TXNDC17: variants seen among roughly 807,000 people sequenced by gnomAD.
TXNDC17 encodes the protein thioredoxin domain-containing protein 17.
In TXNDC17, 12 loss-of-function variants were observed where a neutral mutation model predicts 16.3. The ratio of observed to expected loss-of-function variants is 0.74; its 90% confidence interval spans 0.47 to 1.19. The LOEUF is 1.19. Among genes scored for constraint, TXNDC17 ranks in the 50% most tolerant of loss-of-function variants. The pLI is 0.00. For synonymous variants in TXNDC17, 62 were observed against 55.0 expected, an observed-to-expected ratio of 1.13 and a Z score of -0.56; for missense variants, 158 against 149.7, an observed-to-expected ratio of 1.06 and a Z score of -0.29.
intron 3 of TXNDC17, chr17:6,642,645 G>T (rs1173841023): frequency 8.7e-6 from 4 of 458,698 alleles, no homozygotes; most frequent in Non-Finnish European, 1.5e-5. Context: ...TTCTAGTTCA[G>T]TCATGCCCCT....
Position 6,641,657 on chromosome 17 carries a change from G to T in TXNDC17, c.146-96G>T, listed in dbSNP as rs926745246. The T allele has an allele frequency of 5.0e-6, 6 of 1,200,526 alleles. No individual in the cohort carries two copies. In the African/African-American group the frequency reaches 6.0e-5, roughly 12 times the overall value. 74.4% of individuals were successfully genotyped at this position (1,200,526 alleles called of 1,614,324 possible). Reference sequence around the variant, plus strand: ...GTTAGCTGCAGGTTAAAGTCTGAGTGCTTACCAAGACTGGGGGAAGGGGGA... The same window carrying T: ...GTTAGCTGCAGGTTAAAGTCTGAGTTCTTACCAAGACTGGGGGAAGGGGGA... On this transcript the variant is annotated intron_variant, in intron 1 of 3. Transcript: ENST00000250101.
At chr17:6,641,658 C>CT in intron 1 of TXNDC17, 95 bp from the exon 2 acceptor site, 3 of 1,217,170 alleles carry the variant, frequency 2.5e-6, no homozygotes, top group South Asian at 2.6e-5. Context: ...AGTCTGAGTG[C>CT]TTACCAAGAC....
intron 3 of TXNDC17, 151 bp from the exon 4 acceptor site, chr17:6,642,800 A>G: frequency 3.2e-6 from 2 of 627,808 alleles, no homozygotes; most frequent in Non-Finnish European, 5.6e-6. Context: ...AAATATATTG[A>G]TTCTTTCATA....
chr17:6,642,030 G>GT lies in TXNDC17; in HGVS notation c.227+197dup. ...GGTAATTCAACGAATTTGGTCTGGT[G>GT]TAAGCCCAGAACTTAGCTGGCTTTA... On this transcript the variant is annotated intron_variant, in intron 2 of 3. Coordinates refer to ENST00000250101, the MANE Select transcript of TXNDC17 (RefSeq NM_032731.4). 7.4e-6 allele frequency: 5 copies of GT among 676,226 alleles called. No individual in the cohort carries two copies. The South Asian group carries it at 9.5e-5, about 13-fold the overall frequency. The allele number at this position is 676,226 out of a possible 1,614,324, so 41.9% of individuals were successfully genotyped here. A position where few individuals can be genotyped will look rare whatever the true frequency, so the allele number is the denominator to read the frequency against.
chr17:6,644,339 G>C lies in TXNDC17; in HGVS notation c.*1320G>C. On this transcript the variant is annotated 3_prime_UTR_variant, in exon 4 of 4. Coordinates refer to ENST00000250101, the MANE Select transcript of TXNDC17 (RefSeq NM_032731.4). ...TAACAATAAAAAGTTGGATGAAAAAGCACACTAAAGGTTCTAGGGGCTACC... is the reference window on the plus strand; with the variant it reads ...TAACAATAAAAAGTTGGATGAAAAACCACACTAAAGGTTCTAGGGGCTACC... The C allele has an allele frequency of 3.8e-6, 4 of 1,061,522 alleles. No individual in the cohort carries two copies. The South Asian group carries it at 1.1e-4, about 29-fold the overall frequency. The allele number at this position is 1,061,522 out of a possible 1,614,324, so 65.8% of individuals were successfully genotyped here. A position where few individuals can be genotyped will look rare whatever the true frequency, so the allele number is the denominator to read the frequency against.
At chr17:6,641,690 C>G (rs1320781100) in intron 1 of TXNDC17, 63 bp from the exon 2 acceptor site, 1 of 1,505,958 alleles carries the variant, frequency 6.6e-7, no homozygotes. Flanking sequence ...GGAAAGAACA[C>G]AGTTTATACG....
At chr17:6,641,919 G>A in intron 2 of TXNDC17, 85 bp downstream of exon 2, 1 of 1,213,738 alleles carries the variant, frequency 8.2e-7, no homozygotes, top group Non-Finnish European at 1.2e-6. Context: ...TACTTACCCA[G>A]TTTGTCTTAC....
Position 6,641,216 on chromosome 17 carries a change from A to G in TXNDC17, c.134A>G (p.Asp45Gly), listed in dbSNP as rs1189996703. The G allele has an allele frequency of 2.5e-6, 4 of 1,613,466 alleles. No individual in the cohort carries two copies. Among genetic ancestry groups the G allele is most frequent in the Non-Finnish European group, 3.4e-6 (4 of 1,179,988 alleles). Residue 45 changes from aspartate to glycine, a missense_variant, in exon 1 of 4, where the codon GAC becomes GGC. Physicochemically the swap from Asp to Gly is moderately conservative, Grantham distance 94 (BLOSUM62 -1). Coordinates refer to ENST00000250101, the MANE Select transcript of TXNDC17 (RefSeq NM_032731.4). ...GCCGGGGGGAAAAGCTGGTGCCCCGACTGCGTGCAGGGTGAGGCCGGGATT... is the reference window on the plus strand; with the variant it reads ...GCCGGGGGGAAAAGCTGGTGCCCCGGCTGCGTGCAGGGTGAGGCCGGGATT... ...KDAGGKSWCP[D>G]CVQAEPVVRE...
chr17:6,642,710 CCT>C, intron 3 of TXNDC17: 1 of 523,006 alleles, frequency 1.9e-6, no homozygotes. Context: ...CTTGCTGTCT[CCT>C]GTTTTAGTCT....
At position 6,644,490 on chromosome 17, in the gene TXNDC17, G is replaced by C; in HGVS notation, c.*1471G>C. 6.2e-7 allele frequency: 1 copy of C among 1,603,952 alleles called. No individual in the cohort carries two copies. The highest frequency in any genetic ancestry group is 8.5e-7 in the Non-Finnish European group (1 of 1,176,292). ...TTTCATTTTCCCGATGTGTTATTTTGCTGTTGCTGCTCTGCCAAGGCTTGC... is the reference window on the plus strand; with the variant it reads ...TTTCATTTTCCCGATGTGTTATTTTCCTGTTGCTGCTCTGCCAAGGCTTGC... On this transcript the variant is annotated 3_prime_UTR_variant, in exon 4 of 4. Coordinates refer to ENST00000250101, the MANE Select transcript of TXNDC17 (RefSeq NM_032731.4).
At chr17:6,642,885 G>C (rs1348095905) in intron 3 of TXNDC17, 66 bp from the exon 4 acceptor site, 2 of 1,194,530 alleles carry the variant, frequency 1.7e-6, no homozygotes, top group African/African-American at 3.0e-5. Context: ...ATTCAAGGCA[G>C]AACTCATTCC....
rs566095684 is a variant in TXNDC17 at position 6,643,586 on chromosome 17, C to G, written c.*567C>G. 1 of 153,090 alleles carries G rather than the reference C, an allele frequency of 6.5e-6. No individual in the cohort carries two copies. Among genetic ancestry groups the G allele is most frequent in the African/African-American group, 2.4e-5 (1 of 41,598 alleles). The allele number at this position is 153,090 out of a possible 1,614,324, so 9.5% of individuals were successfully genotyped here. On this transcript the variant is annotated 3_prime_UTR_variant, in exon 4 of 4. Coordinates refer to ENST00000250101, the MANE Select transcript of TXNDC17 (RefSeq NM_032731.4). ...AGGTGGCGGAGAGCGGCCGGAAAGA[C>G]TCTATAACCCAGTTCTGGGAAGAAC...
chr17:6,641,889 C>G, intron 2 of TXNDC17, 55 bp downstream of exon 2: 1 of 1,509,978 alleles, frequency 6.6e-7, no homozygotes, highest in South Asian at 1.1e-5. Flanking sequence ...CATACTTAGG[C>G]GGGAAGGGCC....
intron 1 of TXNDC17, 74 bp from the exon 2 acceptor site, chr17:6,641,679 G>A (rs765941661): frequency 2.0e-5 from 28 of 1,431,796 alleles, no homozygotes; most frequent in Non-Finnish European, 2.6e-5. Context: ...TGGGGGAAGG[G>A]GGAAAGAACA....
intron 1 of TXNDC17, 72 bp downstream of exon 1, chr17:6,641,299 G>A: frequency 6.3e-7 from 1 of 1,584,626 alleles, no homozygotes; most frequent in South Asian, 1.2e-5. Context: ...CAGAAGGGGG[G>A]CTTAGCGGAG....
Position 6,642,306 on chromosome 17 carries a change from A to G in TXNDC17, c.285A>G (p.Thr95=). 6.2e-7 allele frequency: 1 copy of G among 1,609,088 alleles called. No individual in the cohort carries two copies. Among genetic ancestry groups the G allele is most frequent in the Non-Finnish European group, 8.5e-7 (1 of 1,176,684 alleles). ...ACTTGAAAGTAACAGCAGTGCCTAC[A>G]CTACTTAAGTATGGAACAGTAAGTA... ...RKNLKVTAVP[T]LLKYGTPQKL... is the part of the protein sequence containing the mutation. Residue 95 remains threonine (T), a synonymous_variant, in exon 3 of 4, where the codon ACA becomes ACG. Coordinates refer to ENST00000250101, the MANE Select transcript of TXNDC17 (RefSeq NM_032731.4).
At position 6,641,089 on chromosome 17, in the gene TXNDC17, C is replaced by T. The variant is rs748665184; in HGVS notation, c.7C>T (p.Arg3Cys). The T allele has an allele frequency of 9.9e-6, 16 of 1,612,774 alleles. No homozygotes were observed. The highest frequency in any genetic ancestry group is 3.3e-5 in the Admixed American group (2 of 59,986). ...GCGGCTGCACGTCGTGCCAATGGCC[C>T]GCTATGAGGAGGTGAGCGTGTCCGG... MA[R>C]YEEVSVSGFE... Residue 3 changes from arginine to cysteine, a missense_variant, in exon 1 of 4, where the codon CGC becomes TGC. By Grantham distance (180) the Arg-to-Cys change is radical. Transcript: ENST00000250101.
At position 6,643,342 on chromosome 17, in the gene TXNDC17, G is replaced by A; in HGVS notation, c.*323G>A. 4.9e-6 allele frequency: 1 copy of A among 203,050 alleles called. No homozygotes were observed. The highest frequency in any genetic ancestry group is 1.1e-4 in the South Asian group (1 of 9,106). The allele number at this position is 203,050 out of a possible 1,614,324, so 12.6% of individuals were successfully genotyped here. A position where few individuals can be genotyped will look rare whatever the true frequency, so the allele number is the denominator to read the frequency against. On this transcript the variant is annotated 3_prime_UTR_variant, in exon 4 of 4. Transcript: ENST00000250101. ...AAAAGATCAGTATCTTTTATTTTAAGTTATCTCCATCTGCAAAGCAACTGA... is the reference window on the plus strand; with the variant it reads ...AAAAGATCAGTATCTTTTATTTTAAATTATCTCCATCTGCAAAGCAACTGA...
chr17:6,641,093 A>G lies in TXNDC17; in HGVS notation c.11A>G (p.Tyr4Cys), dbSNP rs200547270. 7.4e-6 allele frequency: 12 copies of G among 1,612,956 alleles called. No homozygotes were observed. Among genetic ancestry groups the G allele is most frequent in the Middle Eastern group, 1.7e-4 (1 of 5,996 alleles). Residue 4 changes from tyrosine (Y) to cysteine (C), a missense_variant, in exon 1 of 4, where the codon TAT becomes TGT. Coordinates refer to ENST00000250101, the MANE Select transcript of TXNDC17 (RefSeq NM_032731.4). MAR[Y>C]EEVSVSGFEE... ...CTGCACGTCGTGCCAATGGCCCGCT[A>G]TGAGGAGGTGAGCGTGTCCGGCTTC...
Sources: allele counts gnomAD v4.1 joint callset, GRCh38; gene constraint gnomAD v4.1.1; transcripts MANE v1.5; gene names NCBI Gene and HGNC (gene_info 2026-07-23, HGNC 2026-07-21).